Variants in HSF5 observed in about 807,000 individuals in gnomAD.
HSF5 encodes heat shock transcription factor 5, also known as heat shock factor protein 5.
HSF5 carries 5 observed loss-of-function variants against 50.8 expected under a neutral mutation model. The ratio of observed to expected loss-of-function variants is 0.10; its 90% CI spans 0.05 to 0.21. HSF5 has a LOEUF of 0.21. Among genes scored for constraint, HSF5 ranks in the 10% least tolerant of loss-of-function variants. The probability of loss-of-function intolerance (pLI) is 1.00; values close to 1 mark genes in which losing one functional copy is unlikely to be tolerated. For synonymous variants in HSF5, 307 were observed against 307.4 expected, an observed-to-expected ratio of 1.00 and a Z score of 0.02; for missense variants, 564 against 762.6, an observed-to-expected ratio of 0.74 and a Z score of 3.07.
chr17:58,467,046 C>T (rs1386026896), intron 2 of HSF5, 67 bp from the exon 3 acceptor site: 9 of 1,003,874 alleles, frequency 9.0e-6, no homozygotes, highest in Non-Finnish European at 1.4e-5. Context: ...CAAGGAGCTC[C>T]CCTCTTTCAA....
intron 5 of HSF5, among the ~76,000 whole-genome samples, chr17:58,454,251 A>G (rs1348503547): frequency 6.7e-6 from 1 of 150,188 alleles, no homozygotes; most frequent in Non-Finnish European, 1.5e-5. Flanking sequence ...AACAAAAAAT[A>G]AATAAAAAAA....
At position 58,483,480 on chromosome 17, in the gene HSF5, A is replaced by G. The variant is rs114774149; in HGVS notation, c.551-3213T>C. 1.0e-2 allele frequency among the ~76,000 whole-genome samples: 1,517 copies of G among 152,332 alleles called. 17 individuals are homozygous for G. The highest frequency in any genetic ancestry group is 0.034 in the African/African-American group (1,432 of 41,580). Reference sequence around the variant, plus strand: ...ACCTATATGTCTTCAAAATATCTTTAAGATATATTTGGCAAAGTTTGAATC... The same window carrying G: ...ACCTATATGTCTTCAAAATATCTTTGAGATATATTTGGCAAAGTTTGAATC... On this transcript the variant is annotated intron_variant, in intron 1 of 5. Transcript: ENST00000323777.
chr17:58,431,879 T>C (rs1286190565), intron 5 of HSF5, among the ~76,000 whole-genome samples: 8 of 152,094 alleles, frequency 5.3e-5, no homozygotes, highest in Admixed American at 5.2e-4. Context: ...AGACAAAATG[T>C]AGACATAGAC....
chr17:58,473,675 T>A (rs1974976359), intron 2 of HSF5, among the ~76,000 whole-genome samples: 1 of 152,126 alleles, frequency 6.6e-6, no homozygotes, highest in Non-Finnish European at 1.5e-5. Context: ...AAAAAATGAT[T>A]CCAGTCTGCT....
At chr17:58,451,764 A>T (rs537875181) in intron 5 of HSF5, among the ~76,000 whole-genome samples, 1 of 152,220 alleles carries the variant, frequency 6.6e-6, no homozygotes, top group South Asian at 2.1e-4. Flanking sequence ...ACAATATTAT[A>T]TTACATCTCA....
chr17:58,426,943 C>A (rs556850713), intron 5 of HSF5, among the ~76,000 whole-genome samples: 2 of 152,148 alleles, frequency 1.3e-5, no homozygotes, highest in African/African-American at 4.8e-5. Context: ...CTAATCAATT[C>A]GAAGTCTCTT....
intron 1 of HSF5, among the ~76,000 whole-genome samples, 191 bp downstream of exon 1, chr17:58,487,534 C>T (rs1291457667): frequency 6.6e-6 from 1 of 152,222 alleles, no homozygotes; most frequent in South Asian, 2.1e-4. Context: ...CGGTGGCCAC[C>T]GTGCTGGTGC....
At chr17:58,453,000 A>G (rs1160275907) in intron 5 of HSF5, among the ~76,000 whole-genome samples, 3 of 152,122 alleles carry the variant, frequency 2.0e-5, no homozygotes, top group Non-Finnish European at 4.4e-5. Flanking sequence ...ACACCACTGT[A>G]CTTCAGCCTG....
Position 58,488,112 on chromosome 17 carries a change from C to A in HSF5, c.163G>T (p.Gly55Trp), listed in dbSNP as rs1372182070. ...GCAGTCCCGCCACCGCCCCCCGGCC[C>A]GGGCGGGCTGAGCAGCTCGGCCTCG... ...LFEAELLSPP[G>W]PGGGGGTAGA... The change falls in exon 1 of 6, where the codon GGG (glycine) becomes TGG (tryptophan). Residue 55 changes from glycine (G) to tryptophan (W), a missense_variant. This residue lies in a region of HSF5 where 72 missense variants were observed against 110.9 expected (regional missense o/e 0.65). Transcript: ENST00000323777. The surrounding 1 kb of genome is among the most constrained non-coding windows in gnomAD (Gnocchi z 4.1). 13 of 1,574,954 alleles carry A rather than the reference C, an allele frequency of 8.3e-6. No homozygotes were observed. Among genetic ancestry groups the A allele is most frequent in the Non-Finnish European group, 1.1e-5 (13 of 1,168,622 alleles).
chr17:58,478,841 C>A (rs1598202470), intron 2 of HSF5, among the ~76,000 whole-genome samples: 1 of 110,880 alleles, frequency 9.0e-6, no homozygotes, highest in Admixed American at 1.2e-4. Context: ...CCAGCCTGGG[C>A]AACAAGAGTG....
At chr17:58,456,668 T>TC (rs1974716938) in intron 5 of HSF5, among the ~76,000 whole-genome samples, 1 of 152,268 alleles carries the variant, frequency 6.6e-6, no homozygotes, top group African/African-American at 2.4e-5. Context: ...ACATTGTACC[T>TC]CATAAATATG....
At chr17:58,457,712 T>C (rs904046814) in intron 5 of HSF5, among the ~76,000 whole-genome samples, 10 of 152,258 alleles carry the variant, frequency 6.6e-5, no homozygotes, top group African/African-American at 2.4e-4. Context: ...ATTTGTCCTA[T>C]GGCACAAAAA....
chr17:58,458,999 A>G, intron 4 of HSF5, 54 bp from the exon 5 acceptor site: 1 of 1,486,880 alleles, frequency 6.7e-7, no homozygotes, highest in Non-Finnish European at 9.2e-7. Flanking sequence ...ATCTGCTAAA[A>G]GTTAAGATAT....
chr17:58,435,903 A>C (rs1436323381), intron 5 of HSF5, among the ~76,000 whole-genome samples: 1 of 151,450 alleles, frequency 6.6e-6, no homozygotes, highest in Non-Finnish European at 1.5e-5. Context: ...CATCTCAAAA[A>C]AAAAAAAAAA....
chr17:58,434,278 A>T (rs976133617), intron 5 of HSF5, among the ~76,000 whole-genome samples: 44 of 152,222 alleles, frequency 2.9e-4, no homozygotes, highest in Middle Eastern at 3.4e-3. Flanking sequence ...ATTATCTAAC[A>T]TAAAAGATAA....
chr17:58,472,836 T>C (rs1451002343), intron 2 of HSF5, among the ~76,000 whole-genome samples: 1 of 152,098 alleles, frequency 6.6e-6, no homozygotes, highest in Non-Finnish European at 1.5e-5. Flanking sequence ...ACTCTAGCAA[T>C]TGGAGTACAT....
At chr17:58,441,052 A>G (rs143052489) in intron 5 of HSF5, among the ~76,000 whole-genome samples, 85 of 152,362 alleles carry the variant, frequency 5.6e-4, no homozygotes, top group Non-Finnish European at 1.1e-3. Context: ...CAGAATACAC[A>G]TTACTTTCAA....
At chr17:58,422,512 G>A (rs1974240395) in intron 5 of HSF5, 82 bp from the exon 6 acceptor site, 1 of 1,043,776 alleles carries the variant, frequency 9.6e-7, no homozygotes, top group Non-Finnish European at 1.4e-6. Flanking sequence ...AGAACAAGTT[G>A]TCTATGTCTC....
At chr17:58,436,100 A>C (rs1974424331) in intron 5 of HSF5, among the ~76,000 whole-genome samples, 1 of 152,114 alleles carries the variant, frequency 6.6e-6, no homozygotes, top group Admixed American at 6.5e-5. Context: ...CACAGTAAAG[A>C]GCAGAATCCA....
Sources: allele counts gnomAD v4.1 joint callset (sites outside exome capture counted in the v4.1 genomes callset), GRCh38; gene constraint gnomAD v4.1.1; regional missense constraint gnomAD v4.1.1; non-coding constraint Gnocchi (gnomAD v3.1); transcripts MANE v1.5; gene names NCBI Gene and HGNC (gene_info 2026-07-23, HGNC 2026-07-21).